FREM3: variants seen among roughly 807,000 people sequenced by gnomAD.
FREM3 encodes the protein FRAS1-related extracellular matrix protein 3.
Under a neutral mutation model 129.1 loss-of-function variants are expected in FREM3, and 105 were observed. The ratio of observed to expected loss-of-function variants is 0.81; its 90% CI spans 0.69 to 0.96. FREM3 has a LOEUF of 0.96. Ranked by LOEUF, FREM3 falls within the 40% of genes least tolerant of loss-of-function variation. FREM3 has a pLI of 0.00. For missense variants in FREM3, 2,593 were observed against 2,666.3 expected, an observed-to-expected ratio of 0.97 and a Z score of 0.61; for synonymous variants, 1,014 against 1,044.9, an observed-to-expected ratio of 0.97 and a Z score of 0.57.
At position 143,700,046 on chromosome 4, in the gene FREM3, A is replaced by G. The variant is rs11100802; in HGVS notation, c.630T>C (p.Leu210=). 0.32 allele frequency: 485,244 copies of G among 1,518,540 alleles called. 80,067 individuals carry two copies. Among genetic ancestry groups the G allele is most frequent in the Middle Eastern group, 0.39 (2,309 of 5,892 alleles). The allele number at this position is 1,518,540 out of a possible 1,614,324, so 94.1% of individuals were successfully genotyped here. A position where few individuals can be genotyped will look rare whatever the true frequency, so the allele number is the denominator to read the frequency against. The change falls in exon 1 of 8, where the codon CTT becomes CTC. Residue 210 remains leucine (L), a synonymous_variant. Transcript: ENST00000329798. ...SGATATRRCR[L]TPLPHEDGPL... is the part of the protein sequence containing the mutation. ...GGCCGTCCTCGTGAGGAAGTGGGGT[A>G]AGCCGGCACCTGCGGGTGGCCGTGG... is the stretch of plus-strand genomic sequence containing the variant.
At position 143,611,522 on chromosome 4, in the gene FREM3, C is replaced by T. The variant is rs990782846; in HGVS notation, c.5785G>A (p.Ala1929Thr). 1 of 1,536,644 alleles carries T rather than the reference C, an allele frequency of 6.5e-7. No homozygotes were observed. The highest frequency in any genetic ancestry group is 8.7e-7 in the Non-Finnish European group (1 of 1,146,528). ...IVICSTRQGSATGTISSTVLF... is the reference protein window; with the variant it reads ...IVICSTRQGSTTGTISSTVLF... The stretch of plus-strand genomic sequence containing the variant: ...ACTGTGGAAGAAATCGTGCCTGTGG[C>T]AGAACCTACAGAAATATGAGAAGGA... Residue 1929 changes from alanine to threonine, a missense_variant, in exon 6 of 8, where the codon GCC becomes ACC. By Grantham distance (58) the Ala-to-Thr change is moderately conservative. Transcript: ENST00000329798.
At chr4:143,634,795 G>A (rs1357381691) in intron 2 of FREM3, among the ~76,000 whole-genome samples, 1 of 152,084 alleles carries the variant, frequency 6.6e-6, no homozygotes, top group Non-Finnish European at 1.5e-5. Context: ...CTGAAGTCAG[G>A]GAATTGTGAG....
Position 143,624,295 on chromosome 4 carries a change from G to A in FREM3, c.5466C>T (p.Phe1822=). The A allele has an allele frequency of 6.5e-7, 1 of 1,536,994 alleles. No homozygotes were observed. Among genetic ancestry groups the A allele is most frequent in the Non-Finnish European group, 8.7e-7 (1 of 1,146,752 alleles). The change falls in exon 4 of 8, where the codon TTC becomes TTT. Residue 1822 remains phenylalanine, a synonymous_variant. Coordinates refer to ENST00000329798, the MANE Select transcript of FREM3 (RefSeq NM_001168235.2). The stretch of plus-strand genomic sequence containing the variant: ...GGATCTGTTTATTGGTCTTCCATTT[G>A]AAATCTTTGTCTTTTTTTGCAGTTT... The part of the protein sequence containing the change: ...KDETAKKDKD[F]KWKTNKQIQF...
chr4:143,614,753 G>A (rs1054642687), intron 5 of FREM3, among the ~76,000 whole-genome samples: 4 of 152,198 alleles, frequency 2.6e-5, no homozygotes, highest in African/African-American at 9.6e-5. Context: ...AACAAGGCAC[G>A]CGAAAGCTGA....
intron 2 of FREM3, among the ~76,000 whole-genome samples, chr4:143,655,073 C>G (rs1739576581): frequency 6.6e-6 from 1 of 152,058 alleles, no homozygotes; most frequent in African/African-American, 2.4e-5. Flanking sequence ...GCATAGGGGT[C>G]AGGGAGGGGT....
At chr4:143,670,241 T>A (rs1233786348) in intron 2 of FREM3, among the ~76,000 whole-genome samples, 2 of 152,182 alleles carry the variant, frequency 1.3e-5, no homozygotes, top group Non-Finnish European at 2.9e-5. Flanking sequence ...CGAACTTGAA[T>A]TTGAGAATGA....
At chr4:143,618,592 A>G (rs1372095038) in intron 5 of FREM3, among the ~76,000 whole-genome samples, 2 of 152,098 alleles carry the variant, frequency 1.3e-5, no homozygotes, top group Non-Finnish European at 2.9e-5. Flanking sequence ...CTTATGGCTT[A>G]TGGTAAAACT....
At chr4:143,618,400 AAAAAAG>A (rs1250928308) in intron 5 of FREM3, among the ~76,000 whole-genome samples, 4 of 152,160 alleles carry the variant, frequency 2.6e-5, no homozygotes, top group African/African-American at 4.8e-5. Flanking sequence ...TTGTGGTTAA[AAAAAAG>A]AAAAAGAAAA....
intron 2 of FREM3, among the ~76,000 whole-genome samples, chr4:143,681,824 C>G (rs1560870813): frequency 6.6e-6 from 1 of 152,008 alleles, no homozygotes; most frequent in Non-Finnish European, 1.5e-5. Context: ...TTAACTATAG[C>G]AGAACAAAAA....
chr4:143,611,430 C>T lies in FREM3; in HGVS notation c.5877G>A (p.Glu1959=). Residue 1959 remains glutamate, a synonymous_variant, in exon 6 of 8, where the codon GAG becomes GAA. Coordinates refer to ENST00000329798, the MANE Select transcript of FREM3 (RefSeq NM_001168235.2). The part of the protein sequence containing the change: ...HTSILHFDKN[E]TQKTCQVLII... ...TCAGGACCTGGCAGGTCTTCTGTGTCTCATTCTTGTCAAAGTGGAGGATGC... is the reference window on the plus strand; with the variant it reads ...TCAGGACCTGGCAGGTCTTCTGTGTTTCATTCTTGTCAAAGTGGAGGATGC... 6.5e-7 allele frequency: 1 copy of T among 1,537,192 alleles called. No homozygotes were observed. Among genetic ancestry groups the T allele is most frequent in the Non-Finnish European group, 8.7e-7 (1 of 1,146,856 alleles).
chr4:143,678,353 G>T (rs1298404505), intron 2 of FREM3, among the ~76,000 whole-genome samples: 1 of 151,956 alleles, frequency 6.6e-6, no homozygotes, highest in East Asian at 1.9e-4. Context: ...AGAACACTTG[G>T]ACACAGGAAG....
chr4:143,587,350 A>G (rs1183948709), intron 6 of FREM3, among the ~76,000 whole-genome samples: 1 of 152,210 alleles, frequency 6.6e-6, no homozygotes, highest in Non-Finnish European at 1.5e-5. Context: ...TAGTTCTATA[A>G]CTGTAGTGAT....
chr4:143,660,084 T>C (rs1468009263), intron 2 of FREM3, among the ~76,000 whole-genome samples: 1 of 149,782 alleles, frequency 6.7e-6, no homozygotes, highest in Non-Finnish European at 1.5e-5. Flanking sequence ...CTCTTTAGTT[T>C]AATTAGATCC....
intron 2 of FREM3, among the ~76,000 whole-genome samples, chr4:143,667,119 G>A (rs1235930784): frequency 2.0e-5 from 3 of 151,962 alleles, no homozygotes; most frequent in South Asian, 4.1e-4. Flanking sequence ...TAATAGTTGC[G>A]AAGTCACAAG....
rs547576516 is a variant in FREM3 at position 143,597,584 on chromosome 4, A to T, written c.6029-11591T>A. Among the ~76,000 whole-genome samples, 3 of 152,340 alleles carry T rather than the reference A, an allele frequency of 2.0e-5. No individual in the cohort carries two copies. The South Asian group carries it at 6.2e-4, about 32-fold the overall frequency. On this transcript the variant is annotated intron_variant, in intron 6 of 7. Transcript: ENST00000329798. ...CATTCAGTACAGTTGCAAAATACAA[A>T]TCAACATACAAAAATCACTAGCATT...
At chr4:143,659,237 TC>T (rs1739657643) in intron 2 of FREM3, among the ~76,000 whole-genome samples, 1 of 151,112 alleles carries the variant, frequency 6.6e-6, no homozygotes, top group African/African-American at 2.4e-5. Flanking sequence ...ATGCTATCCC[TC>T]CCCCCTACCC....
At chr4:143,629,653 A>G (rs1739102754) in intron 2 of FREM3, among the ~76,000 whole-genome samples, 1 of 152,158 alleles carries the variant, frequency 6.6e-6, no homozygotes, top group South Asian at 2.1e-4. Context: ...TGTCATGACA[A>G]TAGTTTATAT....
intron 7 of FREM3, among the ~76,000 whole-genome samples, chr4:143,583,369 A>G (rs374490816): frequency 1.2e-4 from 18 of 152,328 alleles, no homozygotes; most frequent in African/African-American, 3.8e-4. Flanking sequence ...GAAACCAAAC[A>G]ACTTGGAAAA....
chr4:143,632,483 TCATGGTCAAAG>T (rs1739158491), intron 2 of FREM3, among the ~76,000 whole-genome samples: 2 of 152,146 alleles, frequency 1.3e-5, no homozygotes, highest in Admixed American at 1.3e-4. Context: ...CAATATTCTG[TCATGGTCAAAG>T]GCTACTTGGT....
Sources: allele counts gnomAD v4.1 joint callset (sites outside exome capture counted in the v4.1 genomes callset), GRCh38; gene constraint gnomAD v4.1.1; transcripts MANE v1.5; gene names NCBI Gene and HGNC (gene_info 2026-07-23, HGNC 2026-07-21).